The following FSTL4 variants were observed in gnomAD, a reference collection of about 807,000 sequenced individuals.
FSTL4 encodes follistatin like 4.
A neutral mutation model predicts 78.2 loss-of-function variants in FSTL4; 28 were observed. The ratio of observed to expected loss-of-function variants is 0.36; its 90% CI spans 0.27 to 0.49. The LOEUF (loss-of-function observed/expected upper bound fraction) is 0.49. FSTL4 is among the 20% of genes least tolerant of loss of function. FSTL4 has a pLI of 0.98. For synonymous variants in FSTL4, 422 were observed against 440.5 expected, an observed-to-expected ratio of 0.96 and a Z score of 0.53; for missense variants, 922 against 1,084.9, an observed-to-expected ratio of 0.85 and a Z score of 2.11.
chr5:133,784,868 T>G, the FSTL4 span, among the ~76,000 whole-genome samples: 1 of 152,186 alleles, frequency 6.6e-6, no homozygotes, highest in Non-Finnish European at 1.5e-5. Flanking sequence ...TCCTCCTAGT[T>G]TCTTCTAAAT....
chr5:133,255,735 A>G (rs1752365374), intron 6 of FSTL4, among the ~76,000 whole-genome samples: 1 of 152,228 alleles, frequency 6.6e-6, no homozygotes, highest in Non-Finnish European at 1.5e-5. Context: ...TGGAGCTTGG[A>G]GAGAAGAGGC....
the FSTL4 span, among the ~76,000 whole-genome samples, chr5:133,684,628 G>A: frequency 1.4e-4 from 22 of 152,096 alleles, no homozygotes; most frequent in South Asian, 4.2e-4. Flanking sequence ...TTCTGCCTTC[G>A]AGTATCCAGG....
intron 8 of FSTL4, among the ~76,000 whole-genome samples, chr5:133,229,461 T>G (rs1751425474): frequency 6.6e-6 from 1 of 151,980 alleles, no homozygotes; most frequent in Non-Finnish European, 1.5e-5. Context: ...AAGTTGAGGC[T>G]GCAGTGAGCC....
At chr5:133,516,113 C>T (rs1464958869) in intron 3 of FSTL4, among the ~76,000 whole-genome samples, 2 of 152,026 alleles carry the variant, frequency 1.3e-5, no homozygotes, top group African/African-American at 4.8e-5. Context: ...TTACCAATAT[C>T]ATTTTAATGA....
intron 3 of FSTL4, among the ~76,000 whole-genome samples, chr5:133,495,671 C>T (rs1018569131): frequency 3.9e-5 from 6 of 152,122 alleles, no homozygotes; most frequent in African/African-American, 7.2e-5. Context: ...GGGACCACTC[C>T]GGGGCCTAAC....
chr5:133,322,233 AC>A (rs1754078649), intron 4 of FSTL4, among the ~76,000 whole-genome samples: 1 of 115,112 alleles, frequency 8.7e-6, no homozygotes, highest in Admixed American at 7.9e-5. Context: ...ACCCACACAC[AC>A]ACACACCCCC....
At chr5:133,417,131 A>G (rs1756593038) in intron 3 of FSTL4, among the ~76,000 whole-genome samples, 1 of 152,266 alleles carries the variant, frequency 6.6e-6, no homozygotes, top group African/African-American at 2.4e-5. Flanking sequence ...TTTAAAAGCC[A>G]TGGGGCAGTA....
At chr5:133,746,615 C>T in the FSTL4 span, among the ~76,000 whole-genome samples, 3 of 151,958 alleles carry the variant, frequency 2.0e-5, no homozygotes, top group Non-Finnish European at 4.4e-5. Flanking sequence ...AGACAAACTG[C>T]TCACAATGAC....
the FSTL4 span, among the ~76,000 whole-genome samples, chr5:133,763,664 G>T: frequency 7.9e-5 from 12 of 152,256 alleles, no homozygotes; most frequent in Admixed American, 5.2e-4. Flanking sequence ...AGTTTATAAA[G>T]CCTCATCACA....
intron 3 of FSTL4, among the ~76,000 whole-genome samples, chr5:133,490,391 G>C (rs1339858263): frequency 1.3e-5 from 2 of 151,194 alleles, no homozygotes; most frequent in Non-Finnish European, 2.9e-5. Context: ...TTTCCAGGGG[G>C]CCAGATTTTG....
At chr5:133,433,330 G>A (rs143115962) in intron 3 of FSTL4, among the ~76,000 whole-genome samples, 112 of 152,286 alleles carry the variant, frequency 7.4e-4, no homozygotes, top group Middle Eastern at 6.8e-3. Flanking sequence ...TGGGTTAGAC[G>A]GGGGAAGGAT....
chr5:133,777,788 C>T, the FSTL4 span, among the ~76,000 whole-genome samples: 1 of 152,120 alleles, frequency 6.6e-6, no homozygotes, highest in South Asian at 2.1e-4. Flanking sequence ...GGCTATTCCA[C>T]CACTTATTTA....
At chr5:133,358,402 C>T (rs746798607) in intron 4 of FSTL4, among the ~76,000 whole-genome samples, 2 of 152,024 alleles carry the variant, frequency 1.3e-5, no homozygotes, top group African/African-American at 2.4e-5. Context: ...GACGGCCTTA[C>T]GTGTTGTTCT....
At chr5:133,434,490 A>G (rs1757001547) in intron 3 of FSTL4, among the ~76,000 whole-genome samples, 1 of 152,194 alleles carries the variant, frequency 6.6e-6, no homozygotes, top group African/African-American at 2.4e-5. Flanking sequence ...TATGGGGCAC[A>G]CCATATTTCC....
intron 3 of FSTL4, among the ~76,000 whole-genome samples, chr5:133,416,266 T>C (rs955346119): frequency 6.6e-6 from 1 of 152,218 alleles, no homozygotes; most frequent in Non-Finnish European, 1.5e-5. Context: ...CGTAAGGTCG[T>C]AATGGGTAAT....
At chr5:133,438,840 A>G (rs1028339994) in intron 3 of FSTL4, among the ~76,000 whole-genome samples, 2 of 152,190 alleles carry the variant, frequency 1.3e-5, no homozygotes, top group African/African-American at 4.8e-5. Context: ...GGAGTTAGGG[A>G]GGTATCTGGC....
Position 133,601,698 on chromosome 5 carries a change from T to TTTTTTTTC in FSTL4, c.126+2159_126+2160insGAAAAAAA, listed in dbSNP as rs377291709. Among the ~76,000 whole-genome samples the TTTTTTTTC allele has an allele frequency of 2.0e-4, 30 of 149,516 alleles. 1 individual carries two copies. The highest frequency in any genetic ancestry group is 3.2e-4 in the African/African-American group (13 of 40,034). On this transcript the variant is annotated intron_variant, in intron 2 of 15. Transcript: ENST00000265342. ...TTTTTCTTTCTTTCTTTTTTTTTTT[T>TTTTTTTTC]CTCAGACATGGTCTCACTCTGTCAC... is the stretch of plus-strand genomic sequence containing the variant.
chr5:133,299,806 C>A lies in FSTL4; in HGVS notation c.727+12848G>T, dbSNP rs141682178. On this transcript the variant is annotated intron_variant, in intron 6 of 15. Transcript: ENST00000265342. ...AGATAGGTGCTCTGTGATTGGGGGG[C>A]TGGGGAGGGTGAGACCCAGGAAAAA... Among the ~76,000 whole-genome samples, 30 of 152,260 alleles carry A rather than the reference C, an allele frequency of 2.0e-4. 1 individual carries two copies. Among genetic ancestry groups the A allele is most frequent in the Admixed American group, 1.9e-3 (29 of 15,298 alleles).
At chr5:133,473,596 G>A (rs1169474807) in intron 3 of FSTL4, among the ~76,000 whole-genome samples, 3 of 152,218 alleles carry the variant, frequency 2.0e-5, no homozygotes, top group Non-Finnish European at 4.4e-5. Context: ...GAATAGAGGA[G>A]TCTTCCACAT....
Sources: allele counts gnomAD v4.1 joint callset (sites outside exome capture counted in the v4.1 genomes callset), GRCh38; gene constraint gnomAD v4.1.1; transcripts MANE v1.5; gene names NCBI Gene and HGNC (gene_info 2026-07-23, HGNC 2026-07-21).